The following TAB1 variants were observed in gnomAD, a reference collection of about 807,000 sequenced individuals.
TAB1 encodes TGF-beta-activated kinase 1 and MAP3K7-binding protein 1.
TAB1 carries 30 observed loss-of-function variants against 54.5 expected under a neutral mutation model. The ratio of observed to expected loss-of-function variants is 0.55; its 90% CI spans 0.41 to 0.75. The LOEUF is 0.75. TAB1 is among the 30% of genes least tolerant of loss of function. The probability of loss-of-function intolerance (pLI) is 0.00; values close to 1 mark genes in which losing one functional copy is unlikely to be tolerated. For synonymous variants in TAB1, 289 were observed against 286.9 expected (o/e 1.01, Z -0.07); for missense variants, 609 against 683.2 (o/e 0.89, Z 1.21).
downstream of TAB1, chr22:39,433,184 G>A: frequency 2.0e-6 from 2 of 985,374 alleles, no homozygotes; most frequent in Non-Finnish European, 1.2e-6. Flanking sequence ...GGGCGCGGTG[G>A]CTCAGGCCTG....
intron 1 of TAB1, among the ~76,000 whole-genome samples, chr22:39,409,917 CTG>C (rs1926538137): frequency 6.6e-6 from 1 of 152,188 alleles, no homozygotes; most frequent in South Asian, 2.1e-4. Flanking sequence ...TACTGCCAGA[CTG>C]TTGCAAATGC....
chr22:39,435,254 T>C (rs1275020881), downstream of TAB1, among the ~76,000 whole-genome samples: 1 of 152,226 alleles, frequency 6.6e-6, no homozygotes, highest in Admixed American at 6.5e-5. Context: ...TTTTCAAAAG[T>C]AACATTTTGA....
At chr22:39,422,370 G>T (rs991730633) in intron 8 of TAB1, among the ~76,000 whole-genome samples, 3 of 151,136 alleles carry the variant, frequency 2.0e-5, no homozygotes, top group Non-Finnish European at 4.4e-5. Flanking sequence ...CTCCCTGAGT[G>T]GCAGACAATT....
chr22:39,425,864 C>G (rs369480850), intron 8 of TAB1, among the ~76,000 whole-genome samples: 2 of 150,490 alleles, frequency 1.3e-5, no homozygotes, highest in African/African-American at 4.9e-5. Context: ...TTTCAACTTA[C>G]GATATTTTCT....
At chr22:39,402,214 G>A (rs926809846) in intron 1 of TAB1, among the ~76,000 whole-genome samples, 3 of 152,036 alleles carry the variant, frequency 2.0e-5, no homozygotes, top group Admixed American at 6.6e-5. Flanking sequence ...ATGGGGTTTC[G>A]CCATGTTGCC....
intron 3 of TAB1, 51 bp from the exon 4 acceptor site, chr22:39,416,740 A>G (rs1470769088): frequency 1.4e-5 from 22 of 1,553,234 alleles, no homozygotes; most frequent in Non-Finnish European, 2.0e-5. Context: ...TTTTGGCACC[A>G]GTGACAGTGG....
At chr22:39,414,763 C>T (rs1338346944) in intron 1 of TAB1, 1 of 514,546 alleles carries the variant, frequency 1.9e-6, no homozygotes, top group East Asian at 3.5e-5. Context: ...ATTGCTGCGC[C>T]TTACATTTGG....
Position 39,421,951 on chromosome 22 carries a change from G to T in TAB1, c.901G>T (p.Gly301Trp). The T allele has an allele frequency of 6.4e-7, 1 of 1,574,402 alleles. No individual in the cohort carries two copies. The highest frequency in any genetic ancestry group is 8.6e-7 in the Non-Finnish European group (1 of 1,163,158). Residue 301 changes from glycine to tryptophan, a missense_variant, in exon 8 of 11, where the codon GGG becomes TGG. Coordinates refer to ENST00000216160, the MANE Select transcript of TAB1 (RefSeq NM_006116.3). ...GTACAAGGCCCTAGAGGCAGCCCAT[G>T]GGCCTGGGCAGGCCAACCAGGTGAG... is the stretch of plus-strand genomic sequence containing the variant. ...GLYKALEAAH[G>W]PGQANQEIAA...
At chr22:39,403,441 G>A (rs746579201) in intron 1 of TAB1, among the ~76,000 whole-genome samples, 7 of 152,286 alleles carry the variant, frequency 4.6e-5, no homozygotes, top group South Asian at 2.1e-4. Context: ...GGAGCCTCAG[G>A]GGTGCTGGTG....
Position 39,415,426 on chromosome 22 carries a change from A to G in TAB1, c.171-74A>G, listed in dbSNP as rs1017223178. The G allele has an allele frequency of 3.2e-6, 5 of 1,562,110 alleles. No homozygotes were observed. Among genetic ancestry groups the G allele is most frequent in the African/African-American group, 1.4e-5 (1 of 73,858 alleles). On this transcript the variant is annotated intron_variant, in intron 2 of 10. Coordinates refer to ENST00000216160, the MANE Select transcript of TAB1 (RefSeq NM_006116.3). The surrounding 1 kb of genome is among the most constrained non-coding windows in gnomAD (Gnocchi z 4.9). ...GCTGCTGTCGCTTTAGTCTCCCCCA[A>G]TTCCTTTCCCTTTCTCCCTCCACCT... is the stretch of plus-strand genomic sequence containing the variant.
Position 39,430,094 on chromosome 22 carries a change from C to A in TAB1, c.1387C>A (p.Arg463Ser), listed in dbSNP as rs550097021. 46 of 1,613,952 alleles carry A rather than the reference C, an allele frequency of 2.9e-5. No individual in the cohort carries two copies. The South Asian group carries it at 4.3e-4, about 15-fold the overall frequency. Residue 463 changes from arginine (R) to serine (S), a missense_variant, in exon 11 of 11, where the codon CGC becomes AGC. Physicochemically the swap from Arg to Ser is moderately radical, Grantham distance 110. Coordinates refer to ENST00000216160, the MANE Select transcript of TAB1 (RefSeq NM_006116.3). ...SSSSSDGGLF[R>S]SRPAHSLPPG... ...CTCCAGCTCTGACGGAGGCCTCTTC[C>A]GCTCCCGGCCCGCCCACTCGCTCCC...
chr22:39,402,738 G>C (rs1279481689), intron 1 of TAB1, among the ~76,000 whole-genome samples: 1 of 152,002 alleles, frequency 6.6e-6, no homozygotes, highest in Non-Finnish European at 1.5e-5. Context: ...TTTTAGTAGA[G>C]ACAGGGTTTC....
chr22:39,414,230 C>G (rs935756436), intron 1 of TAB1, among the ~76,000 whole-genome samples: 1 of 151,874 alleles, frequency 6.6e-6, no homozygotes, highest in Non-Finnish European at 1.5e-5. Context: ...CCGAAGGACC[C>G]GGAGAATTGG....
rs1452251072 is a variant in TAB1, at chr22:39,431,438, C to T, written c.*1216C>T. On this transcript the variant is annotated 3_prime_UTR_variant, in exon 11 of 11. Transcript: ENST00000216160. ...CATTTTGTCAGTATCCAGGACCCCC[C>T]GGATTCTCCACGCCCTCCCCATCTC... is the stretch of plus-strand genomic sequence containing the variant. 12 of 985,494 alleles carry T rather than the reference C, an allele frequency of 1.2e-5. No homozygotes were observed. In the South Asian group the frequency reaches 1.4e-4, roughly 12 times the overall value. The allele number at this position is 985,494 out of a possible 1,614,324, so 61.0% of individuals were successfully genotyped here.
At position 39,430,703 on chromosome 22, in the gene TAB1, A is replaced by G. The variant is rs994623367; in HGVS notation, c.*481A>G. ...CTCAGCCCTGTGCTCCTGCATCCAG[A>G]GTGGAACCCAGGCTGGTGTCCGCAT... On this transcript the variant is annotated 3_prime_UTR_variant, in exon 11 of 11. Transcript: ENST00000216160. The G allele has an allele frequency of 1.6e-4, 162 of 1,032,050 alleles. No individual in the cohort carries two copies. The highest frequency in any genetic ancestry group is 1.8e-4 in the Non-Finnish European group (152 of 856,034). The allele number at this position is 1,032,050 out of a possible 1,614,324, so 63.9% of individuals were successfully genotyped here.
chr22:39,425,614 G>T (rs1927290642), intron 8 of TAB1, among the ~76,000 whole-genome samples: 1 of 151,420 alleles, frequency 6.6e-6, no homozygotes, highest in Non-Finnish European at 1.5e-5. Context: ...GAGTGCAGTG[G>T]CTCGATCTGG....
intron 6 of TAB1, 36 bp downstream of exon 6, chr22:39,418,881 A>G (rs199766130): frequency 3.9e-6 from 6 of 1,523,898 alleles, no homozygotes; most frequent in East Asian, 2.3e-5. Context: ...GCTGATCCCC[A>G]TGGGCTCACC....
intron 7 of TAB1, among the ~76,000 whole-genome samples, chr22:39,420,777 G>GTGTT (rs1017451403): frequency 8.0e-6 from 1 of 124,992 alleles, no homozygotes; most frequent in Admixed American, 7.5e-5. Flanking sequence ...CGGTGTCTCT[G>GTGTT]TGTGTGTGTG....
chr22:39,408,542 A>T (rs191317442), intron 1 of TAB1, among the ~76,000 whole-genome samples: 25 of 152,322 alleles, frequency 1.6e-4, no homozygotes, highest in African/African-American at 6.0e-4. Context: ...TCTGTCATCC[A>T]GGCTGGAGTG....
Sources: allele counts gnomAD v4.1 joint callset (sites outside exome capture counted in the v4.1 genomes callset), GRCh38; gene constraint gnomAD v4.1.1; non-coding constraint Gnocchi (gnomAD v3.1); transcripts MANE v1.5; gene names NCBI Gene and HGNC (gene_info 2026-07-23, HGNC 2026-07-21).